Variants in PDS5A observed in about 807,000 individuals in gnomAD.
The protein encoded by PDS5A is PDS5 cohesin associated factor A, also known as sister chromatid cohesion protein PDS5 homolog A.
A neutral mutation model predicts 167.1 loss-of-function variants in PDS5A; 42 were observed. The observed-to-expected ratio is 0.25, with a 90% CI of 0.20 to 0.33. The LOEUF (loss-of-function observed/expected upper bound fraction) is 0.33, where lower values mean the gene tolerates loss of function less well. Among genes scored for constraint, PDS5A ranks in the 10% least tolerant of loss-of-function variants. PDS5A has a pLI of 1.00. For missense variants in PDS5A, 1,033 were observed against 1,605.9 expected (o/e 0.64, Z 6.10); for synonymous variants, 553 against 554.6 (o/e 1.00, Z 0.04).
chr4:39,930,253 T>TG (rs1462268940), intron 2 of PDS5A, among the ~76,000 whole-genome samples: 5 of 121,046 alleles, frequency 4.1e-5, no homozygotes, highest in Non-Finnish European at 9.5e-5. Flanking sequence ...AAAAGTTTTT[T>TG]TGTTTTTTGT....
intron 2 of PDS5A, among the ~76,000 whole-genome samples, chr4:39,938,202 G>C (rs1436869549): frequency 6.6e-6 from 1 of 152,180 alleles, no homozygotes. Context: ...ACCTACTCAA[G>C]TTTGGAGGGG....
intron 32 of PDS5A, among the ~76,000 whole-genome samples, chr4:39,829,980 A>AAAAAAAC (rs1715701685): frequency 7.2e-6 from 1 of 137,978 alleles, no homozygotes; most frequent in Non-Finnish European, 1.6e-5. Context: ...AAAAAAAAAA[A>AAAAAAAC]AAAAGAAATT....
intron 2 of PDS5A, among the ~76,000 whole-genome samples, chr4:39,965,601 C>T (rs773867744): frequency 2.0e-5 from 3 of 152,150 alleles, no homozygotes; most frequent in African/African-American, 4.8e-5. Context: ...TGCTATAATA[C>T]GGATGAACCT....
At chr4:39,954,670 TAAAAAAAAAAAAAAAA>T (rs777287409) in intron 2 of PDS5A, among the ~76,000 whole-genome samples, 1 of 48,280 alleles carries the variant, frequency 2.1e-5, no homozygotes, top group South Asian at 6.9e-4. Context: ...AAGAGATAAG[TAAAAAAAAAAAAAAAA>T]AAAAAAAAAA....
intron 32 of PDS5A, among the ~76,000 whole-genome samples, chr4:39,832,725 C>T (rs1716019702): frequency 6.6e-6 from 1 of 152,066 alleles, no homozygotes; most frequent in South Asian, 2.1e-4. Context: ...CATGGTGGTG[C>T]ACACCTATGG....
intron 23 of PDS5A, among the ~76,000 whole-genome samples, chr4:39,864,611 T>C (rs62307936): frequency 0.22 from 33,741 of 152,076 alleles, 4,717 homozygotes; most frequent in Middle Eastern, 0.33. Flanking sequence ...TTGCTAAGCA[T>C]AGAGAGAAGA....
At chr4:39,931,928 G>A (rs985342086) in intron 2 of PDS5A, among the ~76,000 whole-genome samples, 3 of 141,792 alleles carry the variant, frequency 2.1e-5, no homozygotes, top group Non-Finnish European at 4.5e-5. Flanking sequence ...GTCTTGCTCT[G>A]TCGCCCAGGC....
In PDS5A at chr4:39,913,709, C is replaced by A. The variant is rs746481370; in HGVS notation, c.894G>T (p.Glu298Asp). 6.3e-7 allele frequency: 1 copy of A among 1,596,004 alleles called. No homozygotes were observed. The change falls in exon 9 of 33, where the codon GAG becomes GAT. Residue 298 changes from glutamate to aspartate, a missense_variant. This residue lies in a region of PDS5A where 388 missense variants were observed against 615.1 expected (regional missense o/e 0.63). Coordinates refer to ENST00000303538, the MANE Select transcript of PDS5A (RefSeq NM_001100399.2). The part of the protein sequence containing the change: ...EFKLKSNDGE[E>D]RLAVVRLLAK... ...CTAGAAGTCGAACAACAGCTAATCG[C>A]TCTTCTCCATCATTGCTCTAAGAAG...
chr4:39,862,791 CAT>C (rs1319481231), intron 25 of PDS5A, 76 bp downstream of exon 25: 27 of 832,910 alleles, frequency 3.2e-5, no homozygotes, highest in South Asian at 3.2e-4. Context: ...AATAGAAACA[CAT>C]GACAAGAAAA....
chr4:39,908,308 A>C (rs1270380197), intron 11 of PDS5A, 87 bp downstream of exon 11: 1 of 983,992 alleles, frequency 1.0e-6, no homozygotes, highest in East Asian at 2.4e-5. Flanking sequence ...ACACAGAAAG[A>C]CATTAAATGT....
chr4:39,956,284 G>T (rs898528705), intron 2 of PDS5A, among the ~76,000 whole-genome samples: 8 of 152,030 alleles, frequency 5.3e-5, no homozygotes, highest in Admixed American at 3.9e-4. Flanking sequence ...TTGAGATCAA[G>T]AGTTGGAGAC....
chr4:39,942,585 C>G (rs1189587656), intron 2 of PDS5A, among the ~76,000 whole-genome samples: 2 of 152,208 alleles, frequency 1.3e-5, no homozygotes, highest in East Asian at 3.9e-4. Context: ...CACCACCACA[C>G]TCACCTAATT....
intron 11 of PDS5A, among the ~76,000 whole-genome samples, chr4:39,906,884 C>G (rs1404884541): frequency 8.6e-6 from 1 of 115,880 alleles, no homozygotes; most frequent in Non-Finnish European, 1.7e-5. Context: ...TCCTATGTAA[C>G]AGGTTAGCAA....
At chr4:39,882,512 T>C (rs1012105846) in intron 17 of PDS5A, among the ~76,000 whole-genome samples, 4 of 152,220 alleles carry the variant, frequency 2.6e-5, no homozygotes, top group East Asian at 1.9e-4. Context: ...CTAGTCAACA[T>C]TGCTTGAATT....
At chr4:39,843,966 G>A (rs1031322898) in intron 30 of PDS5A, among the ~76,000 whole-genome samples, 4 of 151,736 alleles carry the variant, frequency 2.6e-5, no homozygotes, top group Non-Finnish European at 5.9e-5. Flanking sequence ...GGAAGATGAC[G>A]AAACTCCATC....
intron 8 of PDS5A, among the ~76,000 whole-genome samples, chr4:39,913,969 GC>G (rs2109692420): frequency 6.6e-6 from 1 of 152,028 alleles, no homozygotes; most frequent in Non-Finnish European, 1.5e-5. Context: ...CTGATTAATT[GC>G]ATTCTATACA....
At position 39,824,998 on chromosome 4, in the gene PDS5A, C is replaced by T. The variant is rs1054784126; in HGVS notation, c.*487G>A. On this transcript the variant is annotated 3_prime_UTR_variant, in exon 33 of 33. Coordinates refer to ENST00000303538, the MANE Select transcript of PDS5A (RefSeq NM_001100399.2). ...AAAACAAAGAAATATTTAATCTGAT[C>T]TCTTTTCTTTTAAAAAATTAATTCA... 2 of 152,942 alleles carry T rather than the reference C, an allele frequency of 1.3e-5. No homozygotes were observed. Among genetic ancestry groups the T allele is most frequent in the Middle Eastern group, 6.8e-3 (2 of 294 alleles). The allele number at this position is 152,942 out of a possible 1,614,324, so 9.5% of individuals were successfully genotyped here. A position where few individuals can be genotyped will look rare whatever the true frequency, so the allele number is the denominator to read the frequency against.
chr4:39,844,521 C>T lies in PDS5A; in HGVS notation c.3548+135G>A, dbSNP rs1170288484. 9 of 572,324 alleles carry T rather than the reference C, an allele frequency of 1.6e-5. No homozygotes were observed. The East Asian group carries it at 2.8e-4, about 18-fold the overall frequency. The allele number at this position is 572,324 out of a possible 1,614,324, so 35.5% of individuals were successfully genotyped here. ...AAAAAAAAACCCAGAAAAGAAAATACTAAAATTCATCAATATTATTTTGTA... is the reference window on the plus strand; with the variant it reads ...AAAAAAAAACCCAGAAAAGAAAATATTAAAATTCATCAATATTATTTTGTA... On this transcript the variant is annotated intron_variant, in intron 30 of 32. Transcript: ENST00000303538.
At chr4:39,917,562 T>C (rs995078046) in intron 7 of PDS5A, among the ~76,000 whole-genome samples, 2 of 152,002 alleles carry the variant, frequency 1.3e-5, no homozygotes, top group South Asian at 4.2e-4. Flanking sequence ...AATTACAAAG[T>C]CTCAATCTTT....
Sources: allele counts gnomAD v4.1 joint callset (sites outside exome capture counted in the v4.1 genomes callset), GRCh38; gene constraint gnomAD v4.1.1; regional missense constraint gnomAD v4.1.1; transcripts MANE v1.5; gene names NCBI Gene and HGNC (gene_info 2026-07-23, HGNC 2026-07-21).